PPIP5K2: variants seen among roughly 807,000 people sequenced by gnomAD.
The protein encoded by PPIP5K2 is diphosphoinositol pentakisphosphate kinase 2.
In PPIP5K2, 105 loss-of-function variants were observed where a neutral mutation model predicts 154.6. The ratio of observed to expected loss-of-function variants is 0.68; its 90% CI spans 0.58 to 0.80. The LOEUF is 0.80. Ranked by LOEUF, PPIP5K2 falls within the 30% of genes least tolerant of loss-of-function variation. PPIP5K2 has a pLI of 0.00. For synonymous variants in PPIP5K2, 480 were observed against 490.3 expected, an observed-to-expected ratio of 0.98 and a Z score of 0.28; for missense variants, 992 against 1,504.6, an observed-to-expected ratio of 0.66 and a Z score of 5.64.
chr5:103,152,106 G>T (rs141750541), intron 9 of PPIP5K2, among the ~76,000 whole-genome samples: 6 of 152,024 alleles, frequency 3.9e-5, no homozygotes, highest in Non-Finnish European at 7.4e-5. Flanking sequence ...TTAACCCACA[G>T]TATGTTTCAA....
At chr5:103,132,462 C>T (rs1554202954) in intron 2 of PPIP5K2, among the ~76,000 whole-genome samples, 1 of 152,052 alleles carries the variant, frequency 6.6e-6, no homozygotes, top group African/African-American at 2.4e-5. Context: ...AGGAGAATTG[C>T]TTGAACCCGG....
chr5:103,136,704 A>G (rs782552224), intron 3 of PPIP5K2, 28 bp from the exon 4 acceptor site: 1 of 1,547,126 alleles, frequency 6.5e-7, no homozygotes, highest in South Asian at 1.1e-5. Flanking sequence ...GAGATAATAC[A>G]GAATATGTTA....
chr5:103,178,249 A>T (rs1227002370), intron 23 of PPIP5K2, among the ~76,000 whole-genome samples: 2 of 151,926 alleles, frequency 1.3e-5, no homozygotes, highest in African/African-American at 2.4e-5. Flanking sequence ...ACCAAAATTG[A>T]CTTTTTTGGA....
chr5:103,150,490 C>T (rs77174003), intron 8 of PPIP5K2, among the ~76,000 whole-genome samples: 6,445 of 152,136 alleles, frequency 0.042, 446 homozygotes, highest in African/African-American at 0.15. Flanking sequence ...CACAGGATTT[C>T]GACTGGGCGT....
chr5:103,149,089 T>C, intron 7 of PPIP5K2, 63 bp from the exon 8 acceptor site: 1 of 1,189,958 alleles, frequency 8.4e-7, no homozygotes. Context: ...TGTTGTCTGT[T>C]GGTTACACAC....
intron 5 of PPIP5K2, among the ~76,000 whole-genome samples, chr5:103,145,690 CTT>C (rs1793639215): frequency 6.6e-6 from 1 of 151,762 alleles, no homozygotes; most frequent in African/African-American, 2.4e-5. Flanking sequence ...AAGATGAACT[CTT>C]AGAGCTTGAG....
intron 29 of PPIP5K2, among the ~76,000 whole-genome samples, chr5:103,191,710 T>C (rs1356373348): frequency 1.3e-5 from 2 of 152,088 alleles, no homozygotes; most frequent in Non-Finnish European, 2.9e-5. Context: ...TTTGGGGAAA[T>C]GCTCAGGGCT....
At chr5:103,147,786 GT>G (rs1793982226) in intron 6 of PPIP5K2, 144 bp from the exon 7 acceptor site, 2 of 582,100 alleles carry the variant, frequency 3.4e-6, no homozygotes, top group Non-Finnish European at 6.1e-6. Flanking sequence ...TATATAGTAA[GT>G]TTTGTTAAAT....
At chr5:103,184,113 T>C (rs2149766116) in intron 25 of PPIP5K2, 1 of 152,410 alleles carries the variant, frequency 6.6e-6, no homozygotes, top group Non-Finnish European at 1.5e-5. Context: ...ATATGATTTC[T>C]ATTACATTGG....
intron 5 of PPIP5K2, among the ~76,000 whole-genome samples, chr5:103,142,445 G>A (rs1400461321): frequency 6.6e-6 from 1 of 152,196 alleles, no homozygotes; most frequent in African/African-American, 2.4e-5. Flanking sequence ...CAACCTGAGG[G>A]AGTGGGCTCC....
At chr5:103,170,603 G>A (rs1424661817) in intron 19 of PPIP5K2, among the ~76,000 whole-genome samples, 1 of 150,630 alleles carries the variant, frequency 6.6e-6, no homozygotes, top group African/African-American at 2.4e-5. Flanking sequence ...GACAACTTTG[G>A]GTTTATCTCC....
At position 103,210,496 on chromosome 5, in the gene PPIP5K2, A is replaced by G. The variant is rs2149895087; in HGVS notation, c.*8862A>G. ...AATGGATAGAATAAGGAGCTGGGAG[A>G]AAGGAGACCTGGGTATTAATCTCAG... On this transcript the variant is annotated 3_prime_UTR_variant, in exon 31 of 31. Transcript: ENST00000358359. The G allele has an allele frequency of 6.6e-6, 1 of 152,180 alleles. No homozygotes were observed. Among genetic ancestry groups the G allele is most frequent in the East Asian group, 1.9e-4 (1 of 5,172 alleles). 9.4% of individuals were successfully genotyped at this position (152,180 alleles called of 1,614,324 possible).
In PPIP5K2 at chr5:103,201,621, G is replaced by A. The variant is rs782099018; in HGVS notation, c.3719G>A (p.Gly1240Glu). 5.0e-6 allele frequency: 8 copies of A among 1,594,706 alleles called. No homozygotes were observed. In the African/African-American group the frequency reaches 8.1e-5, roughly 16 times the overall value. ...TETHEHKKNT[G>E]KKK is the part of the protein sequence containing the mutation. ...ACGCATGAACACAAAAAAAACACTG[G>A]GAAAAAGAAATGAAATCTTAGCAGA... The change falls in exon 31 of 31, where the codon GGG (glycine) becomes GAG (glutamate). Residue 1240 changes from glycine to glutamate, a missense_variant. Around this residue, in one of 9 missense-constraint regions of PPIP5K2, gnomAD observed 131 missense variants for 117.8 expected, o/e 1.11. Coordinates refer to ENST00000358359, the MANE Select transcript of PPIP5K2 (RefSeq NM_001276277.3).
intron 5 of PPIP5K2, 44 bp from the exon 6 acceptor site, chr5:103,146,480 TATA>T: frequency 6.3e-7 from 1 of 1,576,500 alleles, no homozygotes. Context: ...GTCCTGATAA[TATA>T]ATAAGAATAT....
intron 30 of PPIP5K2, 35 bp from the exon 31 acceptor site, chr5:103,201,487 C>A (rs1404735877): frequency 1.6e-6 from 2 of 1,261,402 alleles, no homozygotes; most frequent in African/African-American, 1.5e-5. Flanking sequence ...TAAATTTAAG[C>A]AATAGTTTTT....
Position 103,151,205 on chromosome 5 carries a change from C to G in PPIP5K2, c.907-48C>G, listed in dbSNP as rs1554211188. Reference sequence around the variant, plus strand: ...CTGATAGGACTAGAAAACTGTGAATCTTAATAATTTAAATAAAACCTTAAA... The same window carrying G: ...CTGATAGGACTAGAAAACTGTGAATGTTAATAATTTAAATAAAACCTTAAA... On this transcript the variant is annotated intron_variant, in intron 8 of 30. Coordinates refer to ENST00000358359, the MANE Select transcript of PPIP5K2 (RefSeq NM_001276277.3). 2.7e-6 allele frequency: 4 copies of G among 1,481,128 alleles called. No individual in the cohort carries two copies. The South Asian group carries it at 5.2e-5, about 19-fold the overall frequency. 91.7% of individuals were successfully genotyped at this position (1,481,128 alleles called of 1,614,324 possible).
Position 103,177,664 on chromosome 5 carries a change from C to T in PPIP5K2, c.2530-3C>T, listed in dbSNP as rs573224697. 6 of 1,588,272 alleles carry T rather than the reference C, an allele frequency of 3.8e-6. No homozygotes were observed. The South Asian group carries it at 6.8e-5, about 18-fold the overall frequency. ...ATGATTACCACATGTATCTTTTGTT[C>T]AGGAATCAAAGGATGAACAGTGGAA... On this transcript the variant is annotated splice_polypyrimidine_tract_variant and splice_region_variant and intron_variant, in intron 21 of 30. Coordinates refer to ENST00000358359, the MANE Select transcript of PPIP5K2 (RefSeq NM_001276277.3).
chr5:103,141,186 C>A (rs923925446), intron 5 of PPIP5K2, among the ~76,000 whole-genome samples: 1 of 152,162 alleles, frequency 6.6e-6, no homozygotes, highest in Non-Finnish European at 1.5e-5. Flanking sequence ...TTGGTGGGTT[C>A]TTGGTCTCAC....
chr5:103,150,348 A>G (rs1554210856), intron 8 of PPIP5K2, among the ~76,000 whole-genome samples: 2 of 152,228 alleles, frequency 1.3e-5, no homozygotes, highest in African/African-American at 2.4e-5. Context: ...TGATGATTGA[A>G]CTTAAAATGT....
Sources: gnomAD v4.1 joint callset for allele counts (sites outside exome capture counted in the v4.1 genomes callset) on GRCh38, gnomAD v4.1.1 for gene constraint, gnomAD v4.1.1 regional missense constraint, MANE v1.5 for transcripts, NCBI Gene and HGNC (gene_info 2026-07-23, HGNC 2026-07-21) for gene names.